The following C19orf44 variants were observed in gnomAD, a reference collection of about 807,000 sequenced individuals.
C19orf44 encodes chromosome 19 open reading frame 44.
A neutral mutation model predicts 50.7 loss-of-function variants in C19orf44; 43 were observed. The ratio of observed to expected loss-of-function variants is 0.85; its 90% CI spans 0.66 to 1.09. C19orf44 has a LOEUF of 1.09. Among genes scored for constraint, C19orf44 ranks in the 50% least tolerant of loss-of-function variants. The pLI is 0.00. For missense variants in C19orf44, 722 were observed against 836.2 expected, an observed-to-expected ratio of 0.86 and a Z score of 1.68; for synonymous variants, 298 against 334.7, an observed-to-expected ratio of 0.89 and a Z score of 1.20.
chr19:16,498,142 T>A (rs1180230517), intron 1 of C19orf44, among the ~76,000 whole-genome samples: 1 of 152,124 alleles, frequency 6.6e-6, no homozygotes, highest in Non-Finnish European at 1.5e-5. Context: ...TTTGCATACA[T>A]TTGCATTTCT....
chr19:16,520,407 T>C lies in C19orf44; in HGVS notation c.*354T>C. 2 of 1,614,078 alleles carry C rather than the reference T, an allele frequency of 1.2e-6. No homozygotes were observed. Among genetic ancestry groups the C allele is most frequent in the Non-Finnish European group, 1.7e-6 (2 of 1,179,980 alleles). On this transcript the variant is annotated 3_prime_UTR_variant, in exon 9 of 9. Coordinates refer to ENST00000221671, the MANE Select transcript of C19orf44 (RefSeq NM_032207.4). The surrounding 1 kb of genome is among the most constrained non-coding windows in gnomAD (Gnocchi z 4.0). The stretch of plus-strand genomic sequence containing the variant: ...TAGGAACGGGAGCAGGAGCGCGACC[T>C]TGACCTTGAGTACGAGCCTGAAGAC...
At chr19:16,508,732 G>T (rs1286284291) in intron 4 of C19orf44, among the ~76,000 whole-genome samples, 1 of 152,080 alleles carries the variant, frequency 6.6e-6, no homozygotes, top group Non-Finnish European at 1.5e-5. Flanking sequence ...ACAGAGGTAG[G>T]GTCTTGCTAT....
chr19:16,518,362 C>T (rs1428923495), intron 8 of C19orf44: 2 of 152,086 alleles, frequency 1.3e-5, no homozygotes, highest in Non-Finnish European at 2.9e-5. Flanking sequence ...CGGGCACAGA[C>T]TCCGAGGCAG....
chr19:16,516,700 T>C (rs1187071243), intron 7 of C19orf44, among the ~76,000 whole-genome samples: 1 of 152,210 alleles, frequency 6.6e-6, no homozygotes, highest in African/African-American at 2.4e-5. Flanking sequence ...TTCTCCCACA[T>C]GCCCCGGGAC....
chr19:16,506,824 A>C, intron 4 of C19orf44, 50 bp downstream of exon 4: 1 of 1,219,574 alleles, frequency 8.2e-7, no homozygotes, highest in East Asian at 2.8e-5. Context: ...TGGCTTCAAC[A>C]TTTTTTTTTT....
chr19:16,517,276 TGGA>T lies in C19orf44; in HGVS notation c.1955_1957del (p.Glu652del), dbSNP rs748079004. On this transcript the variant is annotated inframe_deletion, in exon 8 of 9. Transcript: ENST00000221671. The stretch of plus-strand genomic sequence containing the variant: ...GCCCCACTGACCATGGAGGATGCCC[TGGA>T]GGAGGTGAACAAGGAGCTGTGAGCG... The T allele has an allele frequency of 1.5e-5, 25 of 1,614,002 alleles. No individual in the cohort carries two copies. The highest frequency in any genetic ancestry group is 1.6e-4 in the Middle Eastern group (1 of 6,084).
chr19:16,510,341 C>T (rs999935573), intron 5 of C19orf44, among the ~76,000 whole-genome samples: 4 of 152,250 alleles, frequency 2.6e-5, no homozygotes, highest in Non-Finnish European at 4.4e-5. Flanking sequence ...GTGGAGGTTG[C>T]AGTGAGCTGA....
Position 16,503,139 on chromosome 19 carries a change from C to A in C19orf44, c.834C>A (p.His278Gln), listed in dbSNP as rs1414823205. 1.9e-6 allele frequency: 3 copies of A among 1,614,170 alleles called. No individual in the cohort carries two copies. Among genetic ancestry groups the A allele is most frequent in the Middle Eastern group, 1.6e-4 (1 of 6,062 alleles). Residue 278 changes from histidine (H) to glutamine (Q), a missense_variant, in exon 3 of 9, where the codon CAC becomes CAA. By Grantham distance (24) the His-to-Gln change is conservative. Coordinates refer to ENST00000221671, the MANE Select transcript of C19orf44 (RefSeq NM_032207.4). ...GCGCAAAGCCTTCTCAGACATCACA[C>A]CTGCCAACCTCCCTGGCAGCAGACA... ...LSSAKPSQTS[H>Q]LPTSLAADRT...
chr19:16,505,913 C>A (rs1177655566), intron 3 of C19orf44, among the ~76,000 whole-genome samples: 1 of 151,870 alleles, frequency 6.6e-6, no homozygotes, highest in African/African-American at 2.4e-5. Flanking sequence ...AACTCCTGGC[C>A]TCAGTTGATC....
chr19:16,498,605 C>T (rs1189998330), intron 1 of C19orf44, among the ~76,000 whole-genome samples: 1 of 151,428 alleles, frequency 6.6e-6, no homozygotes, highest in Non-Finnish European at 1.5e-5. Context: ...TCCTCACTGA[C>T]ACTTGTTACG....
At position 16,520,627 on chromosome 19, in the gene C19orf44, T is replaced by C. The variant is rs931157579; in HGVS notation, c.*574T>C. On this transcript the variant is annotated 3_prime_UTR_variant, in exon 9 of 9. Coordinates refer to ENST00000221671, the MANE Select transcript of C19orf44 (RefSeq NM_032207.4). The surrounding 1 kb of genome is among the most constrained non-coding windows in gnomAD (Gnocchi z 4.0). Reference sequence around the variant, plus strand: ...GGCTCTGGCTGTGGATGTGGCGCCATAGCCACAGCAACGGTACCAAGTTCC... The same window carrying C: ...GGCTCTGGCTGTGGATGTGGCGCCACAGCCACAGCAACGGTACCAAGTTCC... The C allele has an allele frequency of 9.1e-6, 11 of 1,205,514 alleles. No individual in the cohort carries two copies. The highest frequency in any genetic ancestry group is 2.0e-5 in the Admixed American group (1 of 51,010). 74.7% of individuals were successfully genotyped at this position (1,205,514 alleles called of 1,614,324 possible).
chr19:16,507,406 G>A (rs1026416695), intron 4 of C19orf44, among the ~76,000 whole-genome samples: 2 of 151,770 alleles, frequency 1.3e-5, no homozygotes, highest in Non-Finnish European at 1.5e-5. Context: ...AGATACACGT[G>A]TTGGTTATAC....
In C19orf44 at chr19:16,501,401, AC is replaced by A. The variant is rs755518095; in HGVS notation, c.611del (p.Pro204LeufsTer15). 6.2e-7 allele frequency: 1 copy of A among 1,613,884 alleles called. No homozygotes were observed. Among genetic ancestry groups the A allele is most frequent in the Non-Finnish European group, 8.5e-7 (1 of 1,179,944 alleles). On this transcript the variant is annotated frameshift_variant, in exon 2 of 9. Coordinates refer to ENST00000221671, the MANE Select transcript of C19orf44 (RefSeq NM_032207.4). LOFTEE classifies it high-confidence loss of function. ...CTTTGCAAACCCCCAAACAGAAAGA[AC>A]CTGCTAGAACATTTGATTCTCCAGA... is the stretch of plus-strand genomic sequence containing the variant. Reference protein sequence around the residue: ...RTLQTPKQKEPARTFDSPDSD... With the variant: ...RTLQTPKQKEXARTFDSPDSD...
intron 3 of C19orf44, among the ~76,000 whole-genome samples, chr19:16,503,586 C>T (rs541200436): frequency 6.6e-6 from 1 of 152,128 alleles, no homozygotes; most frequent in Non-Finnish European, 1.5e-5. Context: ...AATTCTGAGA[C>T]AGGGTCTTGC....
intron 4 of C19orf44, among the ~76,000 whole-genome samples, chr19:16,507,040 C>G (rs1375261562): frequency 1.3e-5 from 2 of 152,148 alleles, no homozygotes; most frequent in Admixed American, 6.5e-5. Context: ...AAATCTGCCC[C>G]CCAGGGGACA....
At chr19:16,507,683 G>A (rs1443933172) in intron 4 of C19orf44, among the ~76,000 whole-genome samples, 1 of 151,248 alleles carries the variant, frequency 6.6e-6, no homozygotes. Flanking sequence ...GTAGAGACGG[G>A]GTTTCACCAT....
rs897297606 is a variant in C19orf44 at position 16,503,052 on chromosome 19, T to C, written c.760-13T>C. 4 of 1,582,758 alleles carry C rather than the reference T, an allele frequency of 2.5e-6. No individual in the cohort carries two copies. The highest frequency in any genetic ancestry group is 1.1e-5 in the South Asian group (1 of 88,052). On this transcript the variant is annotated splice_polypyrimidine_tract_variant and intron_variant, in intron 2 of 8. Transcript: ENST00000221671. The stretch of plus-strand genomic sequence containing the variant: ...TTGTCATAAGTTTGTTAATTTCAAG[T>C]GTTTTATATCAGGTCCCATCTCAAC...
Position 16,513,052 on chromosome 19 carries a change from G to C in C19orf44, c.1678G>C (p.Ala560Pro), listed in dbSNP as rs766682277. Residue 560 changes from alanine (A) to proline (P), a missense_variant, in exon 6 of 9, where the codon GCC becomes CCC. By Grantham distance (27) the Ala-to-Pro change is conservative. Coordinates refer to ENST00000221671, the MANE Select transcript of C19orf44 (RefSeq NM_032207.4). ...MAAMGPALGG[A>P]YVDPTPIANH... is the part of the protein sequence containing the mutation. ...AGCCATGGGGCCTGCCCTGGGAGGCGCCTACGTGGACCCGACACCCATCGC... is the reference window on the plus strand; with the variant it reads ...AGCCATGGGGCCTGCCCTGGGAGGCCCCTACGTGGACCCGACACCCATCGC... 1.2e-6 allele frequency: 2 copies of C among 1,613,624 alleles called. No homozygotes were observed. The highest frequency in any genetic ancestry group is 1.1e-5 in the South Asian group (1 of 91,078).
rs780722415 is a variant in C19orf44, at chr19:16,519,229, T to C, written c.*41-865T>C. 1.2e-6 allele frequency: 2 copies of C among 1,614,028 alleles called. No individual in the cohort carries two copies. Reference sequence around the variant, plus strand: ...GCTCTTGTTCCTGCGGTAGTTCTCATAGGGGTCATCCAGAGCCACGCCCAC... The same window carrying C: ...GCTCTTGTTCCTGCGGTAGTTCTCACAGGGGTCATCCAGAGCCACGCCCAC... On this transcript the variant is annotated intron_variant, in intron 8 of 8. Transcript: ENST00000221671. The surrounding 1 kb of genome is among the most constrained non-coding windows in gnomAD (Gnocchi z 6.0).
Sources: gnomAD v4.1 joint callset for allele counts (sites outside exome capture counted in the v4.1 genomes callset) on GRCh38, gnomAD v4.1.1 for gene constraint, Gnocchi (gnomAD v3.1) non-coding constraint, MANE v1.5 for transcripts, NCBI Gene and HGNC (gene_info 2026-07-23, HGNC 2026-07-21) for gene names.